Variants in ASTN2 observed in about 807,000 individuals in gnomAD.
The protein encoded by ASTN2 is astrotactin-2.
A neutral mutation model predicts 139.8 loss-of-function variants in ASTN2; 54 were observed. The ratio of observed to expected loss-of-function variants is 0.39; its 90% CI spans 0.31 to 0.48. ASTN2 has a LOEUF of 0.48. Ranked by LOEUF, ASTN2 falls within the 20% of genes least tolerant of loss-of-function variation. ASTN2 has a pLI of 0.95. For synonymous variants in ASTN2, 756 were observed against 719.5 expected (o/e 1.05, Z -0.81); for missense variants, 1,565 against 1,725.1 (o/e 0.91, Z 1.64).
chr9:117,344,781 GA>G, intron 1 of ASTN2, among the ~76,000 whole-genome samples: 1 of 152,316 alleles, frequency 6.6e-6, no homozygotes, highest in Non-Finnish European at 1.5e-5. Context: ...GGGTGAGGCA[GA>G]GGGAATACAG....
At chr9:116,551,799 G>A (rs546907865) in intron 19 of ASTN2, among the ~76,000 whole-genome samples, 1 of 152,282 alleles carries the variant, frequency 6.6e-6, no homozygotes, top group South Asian at 2.1e-4. Context: ...AATAAGGCTA[G>A]AAAAGACAGT....
At position 116,626,614 on chromosome 9, in the gene ASTN2, A is replaced by G. The variant is rs181376976; in HGVS notation, c.3073-6171T>C. 2.3e-3 allele frequency among the ~76,000 whole-genome samples: 347 copies of G among 152,204 alleles called. 1 individual carries two copies. Among genetic ancestry groups the G allele is most frequent in the African/African-American group, 8.0e-3 (331 of 41,542 alleles). On this transcript the variant is annotated intron_variant, in intron 17 of 22. Transcript: ENST00000313400. ...GTCCCTTTTGGAGACAATTGTGATC[A>G]CAGCTTGGAGGACAGTGGGGTTGAT...
chr9:116,531,531 A>G (rs1247333108), intron 19 of ASTN2, among the ~76,000 whole-genome samples: 1 of 77,958 alleles, frequency 1.3e-5, no homozygotes, highest in East Asian at 4.3e-4. Flanking sequence ...CCACCCCACG[A>G]CAGGCCCCGG....
At chr9:116,462,787 C>CGT (rs1376062376) in intron 20 of ASTN2, among the ~76,000 whole-genome samples, 3 of 97,554 alleles carry the variant, frequency 3.1e-5, no homozygotes, top group South Asian at 3.4e-4. Flanking sequence ...GTTGGGTGAG[C>CGT]ATGTGTGTGT....
At chr9:116,487,521 A>C in intron 19 of ASTN2, 21 bp from the exon 20 acceptor site, 1 of 1,611,646 alleles carries the variant, frequency 6.2e-7, no homozygotes, top group Non-Finnish European at 8.5e-7. Flanking sequence ...AAAAAGAAAG[A>C]TGAGCTCCCC....
At position 117,300,591 on chromosome 9, in the gene ASTN2, T is replaced by C. The variant is rs112054843; in HGVS notation, c.443-9078A>G. On this transcript the variant is annotated intron_variant, in intron 1 of 22. Coordinates refer to ENST00000313400, the MANE Select transcript of ASTN2 (RefSeq NM_001365068.1). ...GAGAGGTCAGTTAATGCTCCTCATT[T>C]ATCAGGAGATTGGACAGGGCAAGCA... 8.1e-3 allele frequency among the ~76,000 whole-genome samples: 1,240 copies of C among 152,304 alleles called. 23 individuals carry two copies. Among genetic ancestry groups the C allele is most frequent in the African/African-American group, 0.028 (1,177 of 41,566 alleles).
chr9:116,766,024 G>A (rs1564254961), intron 13 of ASTN2, among the ~76,000 whole-genome samples: 1 of 152,112 alleles, frequency 6.6e-6, no homozygotes, highest in South Asian at 2.1e-4. Flanking sequence ...ACTATTACCT[G>A]TCAATATAAC....
At chr9:117,176,576 A>G (rs984286361) in intron 3 of ASTN2, among the ~76,000 whole-genome samples, 4 of 152,170 alleles carry the variant, frequency 2.6e-5, no homozygotes, top group African/African-American at 9.7e-5. Flanking sequence ...GATTTAATTG[A>G]AGAAAAAAAA....
Position 117,346,010 on chromosome 9 carries a change from C to CAAAAAAAAAAAAAA in ASTN2, c.443-54511_443-54498dup, listed in dbSNP as rs35773511. Among the ~76,000 whole-genome samples the CAAAAAAAAAAAAAA allele has an allele frequency of 2.1e-3, 192 of 92,158 alleles. 2 individuals are homozygous for CAAAAAAAAAAAAAA. Among genetic ancestry groups the CAAAAAAAAAAAAAA allele is most frequent in the African/African-American group, 3.5e-3 (91 of 26,234 alleles). The allele number at this position is 92,158 out of a possible 152,430, so 60.5% of individuals were successfully genotyped here. ...CATTGCCACTTAGTGAACTAAGAGGCAAAAAAAAAAAAAAAAGGAAAAGGA... is the reference window on the plus strand; with the variant it reads ...CATTGCCACTTAGTGAACTAAGAGGCAAAAAAAAAAAAAAAAAAAAAAAAAAAAAAGGAAAAGGA... On this transcript the variant is annotated intron_variant, in intron 1 of 22. Transcript: ENST00000313400.
intron 2 of ASTN2, among the ~76,000 whole-genome samples, chr9:117,227,434 T>C (rs1288555556): frequency 6.6e-6 from 1 of 152,158 alleles, no homozygotes; most frequent in Admixed American, 6.5e-5. Flanking sequence ...GCTTAGTAAT[T>C]CTTTTTGGAG....
At chr9:117,013,899 T>C (rs530498934) in intron 6 of ASTN2, among the ~76,000 whole-genome samples, 12 of 152,044 alleles carry the variant, frequency 7.9e-5, no homozygotes, top group Non-Finnish European at 1.2e-4. Flanking sequence ...CTGAGAACCA[T>C]GGATAGATTT....
intron 19 of ASTN2, among the ~76,000 whole-genome samples, chr9:116,498,623 A>G (rs1265041353): frequency 6.6e-6 from 1 of 152,130 alleles, no homozygotes; most frequent in African/African-American, 2.4e-5. Context: ...GGATGTCAGT[A>G]TCTACTCTAC....
intron 22 of ASTN2, among the ~76,000 whole-genome samples, chr9:116,433,606 T>C (rs945187183): frequency 2.6e-5 from 4 of 152,340 alleles, no homozygotes; most frequent in Non-Finnish European, 5.9e-5. Flanking sequence ...AAAATAAAGG[T>C]ATTTTCATTT....
At chr9:116,489,385 G>A (rs981506433) in intron 19 of ASTN2, among the ~76,000 whole-genome samples, 1 of 151,710 alleles carries the variant, frequency 6.6e-6, no homozygotes. Context: ...TGCCAAGTCT[G>A]GAGTGCAGTG....
intron 17 of ASTN2, among the ~76,000 whole-genome samples, chr9:116,634,607 AAAAAAAAAAT>A (rs1461760275): frequency 2.3e-5 from 3 of 130,570 alleles, no homozygotes; most frequent in Non-Finnish European, 1.7e-5. Flanking sequence ...AAAAAAAAAA[AAAAAAAAAAT>A]AAGCAAAATA....
chr9:117,212,110 T>C (rs769409106), intron 3 of ASTN2, among the ~76,000 whole-genome samples: 1 of 152,164 alleles, frequency 6.6e-6, no homozygotes, highest in Non-Finnish European at 1.5e-5. Flanking sequence ...CCCAGAAATT[T>C]ATTTACAGTC....
chr9:117,004,422 T>G (rs1038371783), intron 7 of ASTN2, among the ~76,000 whole-genome samples: 6 of 152,100 alleles, frequency 3.9e-5, no homozygotes, highest in Admixed American at 2.6e-4. Flanking sequence ...CCTGGCCCAG[T>G]TGGCCTATAT....
chr9:116,796,393 G>A (rs952170071), intron 13 of ASTN2, among the ~76,000 whole-genome samples: 11 of 152,128 alleles, frequency 7.2e-5, no homozygotes, highest in African/African-American at 2.4e-4. Flanking sequence ...GGGTCTTGGT[G>A]CAGCCCCACG....
At chr9:117,400,718 A>C (rs187290212) in intron 1 of ASTN2, among the ~76,000 whole-genome samples, 1 of 152,206 alleles carries the variant, frequency 6.6e-6, no homozygotes. Flanking sequence ...CTGTAACTCC[A>C]GCCTCAGAAG....
Sources: allele counts gnomAD v4.1 joint callset (sites outside exome capture counted in the v4.1 genomes callset), GRCh38; gene constraint gnomAD v4.1.1; transcripts MANE v1.5; gene names NCBI Gene and HGNC (gene_info 2026-07-23, HGNC 2026-07-21).